The following CD247 variants were observed in gnomAD, a reference collection of about 807,000 sequenced individuals.
The protein encoded by CD247 is CD247 molecule.
A neutral mutation model predicts 30.0 loss-of-function variants in CD247; 13 were observed. The ratio of observed to expected loss-of-function variants is 0.43; its 90% CI spans 0.28 to 0.69. The LOEUF (loss-of-function observed/expected upper bound fraction) is 0.69. CD247 is among the 30% of genes least tolerant of loss of function. The probability of loss-of-function intolerance (pLI) is 0.16; values close to 1 mark genes in which losing one functional copy is unlikely to be tolerated. For synonymous variants in CD247, 72 were observed against 80.0 expected (o/e 0.90, Z 0.53); for missense variants, 193 against 212.6 (o/e 0.91, Z 0.57).
Position 167,502,612 on chromosome 1 carries a change from C to T in CD247, c.58+15796G>A, listed in dbSNP as rs372683279. On this transcript the variant is annotated intron_variant, in intron 1 of 7. Coordinates refer to ENST00000362089, the MANE Select transcript of CD247 (RefSeq NM_198053.3). ...CCCTCAAAAGATATTGAAGTCCTAACACCCTCTGAATGTCACCTTATTTGG... is the reference window on the plus strand; with the variant it reads ...CCCTCAAAAGATATTGAAGTCCTAATACCCTCTGAATGTCACCTTATTTGG... Among the ~76,000 whole-genome samples, 16 of 152,284 alleles carry T rather than the reference C, an allele frequency of 1.1e-4. No homozygotes were observed. The East Asian group carries it at 3.1e-3, about 29-fold the overall frequency.
At chr1:167,440,322 C>T in intron 2 of CD247, 1 of 368,764 alleles carries the variant, frequency 2.7e-6, no homozygotes, top group Non-Finnish European at 5.2e-6. Context: ...GCTAACATGG[C>T]CTTCATTCAC....
At chr1:167,502,597 A>G (rs779524541) in intron 1 of CD247, among the ~76,000 whole-genome samples, 1 of 152,182 alleles carries the variant, frequency 6.6e-6, no homozygotes, top group Non-Finnish European at 1.5e-5. Flanking sequence ...CCCTCAAAAG[A>G]TATTGAAGTC....
chr1:167,475,716 G>A (rs1445053040), intron 1 of CD247, among the ~76,000 whole-genome samples: 1 of 152,198 alleles, frequency 6.6e-6, no homozygotes, highest in Non-Finnish European at 1.5e-5. Flanking sequence ...CACGTTAAAT[G>A]ACACCACAGG....
At chr1:167,434,633 C>T in intron 5 of CD247, 1 of 384,874 alleles carries the variant, frequency 2.6e-6, no homozygotes, top group Non-Finnish European at 5.1e-6. Flanking sequence ...GACTTCAGCA[C>T]CCAGGACAGG....
At chr1:167,513,884 A>G (rs1655493132) in intron 1 of CD247, among the ~76,000 whole-genome samples, 1 of 152,242 alleles carries the variant, frequency 6.6e-6, no homozygotes, top group South Asian at 2.1e-4. Context: ...ATCTTAAACC[A>G]TCCTTACAAC....
chr1:167,455,693 C>T (rs1652618332), intron 1 of CD247, among the ~76,000 whole-genome samples: 1 of 152,198 alleles, frequency 6.6e-6, no homozygotes, highest in African/African-American at 2.4e-5. Context: ...GGTCCCTTGT[C>T]CCCGAACCGC....
intron 1 of CD247, among the ~76,000 whole-genome samples, chr1:167,510,845 G>C (rs925909620): frequency 6.6e-6 from 1 of 152,176 alleles, no homozygotes; most frequent in Non-Finnish European, 1.5e-5. Context: ...AAAGGCAACA[G>C]CACCTACAGC....
intron 1 of CD247, among the ~76,000 whole-genome samples, chr1:167,513,833 C>T (rs563262679): frequency 4.6e-5 from 7 of 152,184 alleles, no homozygotes; most frequent in African/African-American, 1.7e-4. Context: ...GTGGAAATTT[C>T]ATATGGTCCA....
At chr1:167,469,173 G>A (rs1219899182) in intron 1 of CD247, among the ~76,000 whole-genome samples, 4 of 152,266 alleles carry the variant, frequency 2.6e-5, no homozygotes, top group East Asian at 3.9e-4. Flanking sequence ...AGTAGAGACA[G>A]GGTTTCACCA....
intron 1 of CD247, among the ~76,000 whole-genome samples, chr1:167,485,908 A>G (rs858553): frequency 0.66 from 101,028 of 152,038 alleles, 34,603 homozygotes; most frequent in East Asian, 0.87. Flanking sequence ...AGCTGCCAAG[A>G]AGGTTGAACA....
intron 1 of CD247, among the ~76,000 whole-genome samples, chr1:167,517,774 T>C (rs1413608609): frequency 6.6e-6 from 1 of 152,124 alleles, no homozygotes. Flanking sequence ...GGGACAGCCA[T>C]GACAAGGCTG....
intron 1 of CD247, among the ~76,000 whole-genome samples, chr1:167,477,064 TCTC>T (rs1457541820): frequency 1.3e-5 from 2 of 152,156 alleles, no homozygotes; most frequent in East Asian, 3.8e-4. Flanking sequence ...AGCTGAAAGC[TCTC>T]CTCCTGCTGA....
intron 1 of CD247, chr1:167,459,658 G>A (rs1385300771): frequency 6.6e-6 from 1 of 152,060 alleles, no homozygotes; most frequent in Middle Eastern, 3.2e-3. Context: ...CTGGCCTCTT[G>A]TACCTTTTTT....
At chr1:167,463,380 C>A (rs1372753748) in intron 1 of CD247, among the ~76,000 whole-genome samples, 1 of 152,202 alleles carries the variant, frequency 6.6e-6, no homozygotes, top group Admixed American at 6.5e-5. Flanking sequence ...TCCTGCCTCC[C>A]TTCTGACTTC....
intron 1 of CD247, among the ~76,000 whole-genome samples, chr1:167,442,863 G>A (rs750004696): frequency 2.0e-5 from 3 of 152,210 alleles, no homozygotes; most frequent in South Asian, 2.1e-4. Context: ...CCAGCCACTC[G>A]GACGAGAGTC....
At chr1:167,475,303 A>G (rs1161962424) in intron 1 of CD247, among the ~76,000 whole-genome samples, 1 of 152,122 alleles carries the variant, frequency 6.6e-6, no homozygotes, top group Non-Finnish European at 1.5e-5. Flanking sequence ...GTTTTTCTAT[A>G]TCCCTACCCA....
At chr1:167,509,057 G>C (rs538299392) in intron 1 of CD247, among the ~76,000 whole-genome samples, 27 of 152,250 alleles carry the variant, frequency 1.8e-4, no homozygotes, top group African/African-American at 6.3e-4. Context: ...CTGTCAGATG[G>C]TTTAAATAAT....
At chr1:167,506,245 CCTTTTCTTTT>C (rs1219420692) in intron 1 of CD247, among the ~76,000 whole-genome samples, 7 of 26,154 alleles carry the variant, frequency 2.7e-4, no homozygotes, top group Admixed American at 1.6e-3. Context: ...CTTTTCTTTT[CCTTTTCTTTT>C]CTTTTCTTTT....
chr1:167,500,689 T>C (rs1318744363), intron 1 of CD247, among the ~76,000 whole-genome samples: 1 of 152,252 alleles, frequency 6.6e-6, no homozygotes, highest in Non-Finnish European at 1.5e-5. Flanking sequence ...GAAACTCCTA[T>C]GACTAAACTC....
Sources: gnomAD v4.1 joint callset for allele counts (sites outside exome capture counted in the v4.1 genomes callset) on GRCh38, gnomAD v4.1.1 for gene constraint, MANE v1.5 for transcripts, NCBI Gene and HGNC (gene_info 2026-07-23, HGNC 2026-07-21) for gene names.